Variants in AFF3 observed in about 807,000 individuals in gnomAD.
AFF3 encodes AF4/FMR2 family member 3.
A neutral mutation model predicts 129.7 loss-of-function variants in AFF3; 32 were observed. The ratio of observed to expected loss-of-function variants is 0.25; its 90% CI spans 0.19 to 0.33. AFF3 has a LOEUF of 0.33. AFF3 is among the 10% of genes least tolerant of loss of function. AFF3 has a pLI of 1.00. For synonymous variants in AFF3, 644 were observed against 635.4 expected, an observed-to-expected ratio of 1.01 and a Z score of -0.20; for missense variants, 1,373 against 1,592.0, an observed-to-expected ratio of 0.86 and a Z score of 2.34.
At chr2:100,018,712 T>C (rs1001719029) in intron 4 of AFF3, among the ~76,000 whole-genome samples, 1 of 151,922 alleles carries the variant, frequency 6.6e-6, no homozygotes, top group Non-Finnish European at 1.5e-5. Flanking sequence ...TGGTAGAATA[T>C]AAAGATGCAG....
rs76691832 is a variant in AFF3 at position 99,771,872 on chromosome 2, C to T, written c.922-19571G>A. The stretch of plus-strand genomic sequence containing the variant: ...CAGCCAGAATGCAGGGCAGGGGCCA[C>T]TGTGTCCTTCTATGTTCCTTCAGTC... On this transcript the variant is annotated intron_variant, in intron 8 of 24. Transcript: ENST00000672756. Among the ~76,000 whole-genome samples the T allele has an allele frequency of 1.2e-3, 188 of 152,320 alleles. 4 individuals carry two copies. In the East Asian group the frequency reaches 0.034, roughly 27 times the overall value.
chr2:100,120,173 A>G (rs1202894003), intron 2 of AFF3, among the ~76,000 whole-genome samples: 1 of 152,224 alleles, frequency 6.6e-6, no homozygotes, highest in African/African-American at 2.4e-5. Context: ...ATGGAAGGCG[A>G]CACACCTGCC....
rs150268432 is a variant in AFF3 at position 99,905,900 on chromosome 2, C to G, written c.874-68376G>C. Among the ~76,000 whole-genome samples, 304 of 152,126 alleles carry G rather than the reference C, an allele frequency of 2.0e-3. 2 individuals are homozygous for G. Among genetic ancestry groups the G allele is most frequent in the Non-Finnish European group, 3.0e-3 (206 of 67,960 alleles). On this transcript the variant is annotated intron_variant, in intron 7 of 24. Coordinates refer to ENST00000672756, the MANE Select transcript of AFF3 (RefSeq NM_001386135.1). ...ACGCCCTCCACTGCCATCAGAGAAT[C>G]ATTCCCATTCAATGTTTTTTTTTTA...
At chr2:99,834,851 A>C (rs1688747853) in intron 8 of AFF3, among the ~76,000 whole-genome samples, 1 of 152,114 alleles carries the variant, frequency 6.6e-6, no homozygotes, top group African/African-American at 2.4e-5. Context: ...CTCGGTCTCC[A>C]GTCTCTCTCC....
Position 100,031,805 on chromosome 2 carries a change from G to A in AFF3, c.54-22873C>T, listed in dbSNP as rs188200061. ...TGAAGTATAAAACAAATATCCATGAGTCCACACGGTAAATAAATAAATGGG... is the reference window on the plus strand; with the variant it reads ...TGAAGTATAAAACAAATATCCATGAATCCACACGGTAAATAAATAAATGGG... On this transcript the variant is annotated intron_variant, in intron 4 of 24. Transcript: ENST00000672756. Among the ~76,000 whole-genome samples, 382 of 152,304 alleles carry A rather than the reference G, an allele frequency of 2.5e-3. 1 individual carries two copies. The highest frequency in any genetic ancestry group is 8.6e-3 in the African/African-American group (358 of 41,568).
chr2:99,594,014 G>A lies in AFF3; in HGVS notation c.1647C>T (p.Ser549=). 1 of 1,577,868 alleles carries A rather than the reference G, an allele frequency of 6.3e-7. No homozygotes were observed. Among genetic ancestry groups the A allele is most frequent in the Non-Finnish European group, 8.6e-7 (1 of 1,161,160 alleles). ...APGSKGVKQK[S]PPAAVAVAVS... ...CCGCCACGGCCACGGCCGCGGGCGG[G>A]GACTTCTGCTTCACGCCTTTACTCC... The change falls in exon 15 of 25, where the codon TCC becomes TCT. Residue 549 remains serine, a synonymous_variant. Transcript: ENST00000672756.
At chr2:99,695,158 T>A (rs1302847628) in intron 11 of AFF3, among the ~76,000 whole-genome samples, 1 of 152,192 alleles carries the variant, frequency 6.6e-6, no homozygotes, top group African/African-American at 2.4e-5. Flanking sequence ...TGCAAAGTGT[T>A]CACAATCATC....
intron 7 of AFF3, among the ~76,000 whole-genome samples, chr2:99,998,019 C>G (rs1681013225): frequency 6.6e-6 from 1 of 151,826 alleles, no homozygotes; most frequent in Non-Finnish European, 1.5e-5. Flanking sequence ...TTACTGTCAA[C>G]TGCCAAAAGG....
intron 8 of AFF3, among the ~76,000 whole-genome samples, chr2:99,830,954 C>T (rs1688474263): frequency 6.6e-6 from 1 of 152,308 alleles, no homozygotes; most frequent in East Asian, 1.9e-4. Flanking sequence ...AGGCAGGCAC[C>T]AGCCCTGGCC....
chr2:99,733,035 AAG>A (rs925865377), intron 10 of AFF3, among the ~76,000 whole-genome samples: 25 of 152,252 alleles, frequency 1.6e-4, no homozygotes, highest in African/African-American at 5.5e-4. Context: ...TTGTCTCAAT[AAG>A]AGTCATACAT....
intron 10 of AFF3, among the ~76,000 whole-genome samples, chr2:99,731,800 T>A (rs1679853773): frequency 6.6e-6 from 1 of 152,236 alleles, no homozygotes; most frequent in East Asian, 1.9e-4. Flanking sequence ...TCCCGACATT[T>A]ATGTCAAATG....
chr2:99,777,030 A>G (rs1326660040), intron 8 of AFF3, among the ~76,000 whole-genome samples: 1 of 152,164 alleles, frequency 6.6e-6, no homozygotes, highest in Non-Finnish European at 1.5e-5. Flanking sequence ...ACAAACACAC[A>G]TATGCTAAAG....
chr2:100,118,585 G>A (rs907898520), intron 2 of AFF3, among the ~76,000 whole-genome samples: 1 of 151,986 alleles, frequency 6.6e-6, no homozygotes, highest in African/African-American at 2.4e-5. Context: ...CATTTACCAA[G>A]GATAAGTATT....
chr2:99,909,855 T>C (rs1694994948), intron 7 of AFF3, among the ~76,000 whole-genome samples: 1 of 152,196 alleles, frequency 6.6e-6, no homozygotes, highest in African/African-American at 2.4e-5. Context: ...TCCCTATCTT[T>C]ATGCAGTTGT....
intron 18 of AFF3, among the ~76,000 whole-genome samples, chr2:99,577,369 A>T (rs1677098245): frequency 2.0e-5 from 3 of 152,028 alleles, no homozygotes; most frequent in African/African-American, 7.3e-5. Context: ...CCCTTAGGAG[A>T]CGGCATTTAA....
intron 7 of AFF3, among the ~76,000 whole-genome samples, chr2:99,934,904 C>T (rs1213572491): frequency 6.6e-6 from 1 of 152,246 alleles, no homozygotes; most frequent in Admixed American, 6.5e-5. Flanking sequence ...GGCTGCTAAG[C>T]ATCACCTGAG....
intron 7 of AFF3, among the ~76,000 whole-genome samples, chr2:99,864,864 T>C (rs17436615): frequency 0.029 from 4,453 of 152,274 alleles, 81 homozygotes; most frequent in Non-Finnish European, 0.041. Context: ...GAGTTCAGCA[T>C]CATGAAGACC....
At chr2:100,059,065 C>T (rs1687026163) in intron 4 of AFF3, among the ~76,000 whole-genome samples, 2 of 151,834 alleles carry the variant, frequency 1.3e-5, no homozygotes, top group Admixed American at 1.3e-4. Flanking sequence ...CCAGCCTGGC[C>T]AACATGGTGA....
At position 99,793,721 on chromosome 2, in the gene AFF3, G is replaced by A. The variant is rs143688435; in HGVS notation, c.922-41420C>T. 7.0e-3 allele frequency among the ~76,000 whole-genome samples: 1,062 copies of A among 152,206 alleles called. 10 individuals are homozygous for A. Among genetic ancestry groups the A allele is most frequent in the African/African-American group, 0.024 (1,000 of 41,500 alleles). ...TAATTTTATTGATCTTTTCAAAGGA[G>A]CAGCTTTAGATTTCATAAATTTTCA... On this transcript the variant is annotated intron_variant, in intron 8 of 24. Transcript: ENST00000672756.
Sources: allele counts gnomAD v4.1 joint callset (sites outside exome capture counted in the v4.1 genomes callset), GRCh38; gene constraint gnomAD v4.1.1; transcripts MANE v1.5; gene names NCBI Gene and HGNC (gene_info 2026-07-23, HGNC 2026-07-21).